The following PVT1 variants were observed in gnomAD, a reference collection of about 807,000 sequenced individuals.
PVT1 encodes CXCR4/PVT1 fusion.
intron 2 of PVT1, among the ~76,000 whole-genome samples, chr8:127,877,413 A>T (rs1815418066): frequency 1.3e-5 from 2 of 152,044 alleles, no homozygotes; most frequent in Non-Finnish European, 2.9e-5. Flanking sequence ...GTGACTGATA[A>T]ATGCCATTTC....
At chr8:127,889,667 G>A (rs983221274) in intron 2 of PVT1, among the ~76,000 whole-genome samples, 5 of 152,236 alleles carry the variant, frequency 3.3e-5, no homozygotes, top group East Asian at 3.9e-4. Flanking sequence ...TTAGAGCGGC[G>A]GATCAGGGCA....
At chr8:127,897,238 C>T (rs1199099596) in intron 3 of PVT1, among the ~76,000 whole-genome samples, 1 of 152,200 alleles carries the variant, frequency 6.6e-6, no homozygotes, top group African/African-American at 2.4e-5. Context: ...AGGACCGTGG[C>T]CTTGGCCTCT....
chr8:127,887,931 G>GTCTTTTTTTT (rs1815544573), intron 2 of PVT1, among the ~76,000 whole-genome samples: 1 of 66,580 alleles, frequency 1.5e-5, no homozygotes, highest in African/African-American at 6.5e-5. Flanking sequence ...ACTCTATCTT[G>GTCTTTTTTTT]TTTTTTTTTT....
intron 3 of PVT1, among the ~76,000 whole-genome samples, chr8:127,930,561 C>T (rs1229164158): frequency 6.6e-6 from 1 of 152,164 alleles, no homozygotes; most frequent in Non-Finnish European, 1.5e-5. Flanking sequence ...CTTTCTGTGC[C>T]TCAGTTTCCT....
intron 3 of PVT1, among the ~76,000 whole-genome samples, chr8:127,925,849 C>G (rs188227523): frequency 6.6e-6 from 1 of 152,118 alleles, no homozygotes; most frequent in African/African-American, 2.4e-5. Flanking sequence ...CCATGTTGGC[C>G]GGGCTGCTCT....
intron 4 of PVT1, among the ~76,000 whole-genome samples, chr8:128,052,224 G>C (rs1183654148): frequency 6.6e-6 from 1 of 152,084 alleles, no homozygotes; most frequent in African/African-American, 2.4e-5. Context: ...GGCCAGACTG[G>C]CACTGAGATA....
intron 3 of PVT1, among the ~76,000 whole-genome samples, chr8:127,930,368 A>G (rs1352851605): frequency 2.0e-5 from 3 of 152,242 alleles, no homozygotes; most frequent in Non-Finnish European, 4.4e-5. Flanking sequence ...CATGTTGGCC[A>G]GGCTGGTCTC....
chr8:128,064,385 C>G (rs1167596375), intron 4 of PVT1, among the ~76,000 whole-genome samples: 1 of 152,230 alleles, frequency 6.6e-6, no homozygotes, highest in Non-Finnish European at 1.5e-5. Context: ...AAGCCATGCA[C>G]CGTCATCTTT....
chr8:128,020,658 C>T (rs1184490653), intron 4 of PVT1, among the ~76,000 whole-genome samples: 1 of 152,242 alleles, frequency 6.6e-6, no homozygotes, highest in Admixed American at 6.5e-5. Flanking sequence ...AATTCAGCTT[C>T]ATGAACCAGG....
In PVT1 at chr8:127,968,537, G is replaced by A. The variant is rs57848233; in HGVS notation, n.783-20625G>A. The stretch of plus-strand genomic sequence containing the variant: ...GTTGCCACCAGGGACGCAGGATTAT[G>A]TTCCTGTTAACTGAAGACACAATGA... On this transcript the variant is annotated intron_variant and non_coding_transcript_variant, in intron 3 of 10. Transcript: ENST00000651587. Among the ~76,000 whole-genome samples the A allele has an allele frequency of 8.5e-3, 1,298 of 152,282 alleles. 28 individuals are homozygous for A. The highest frequency in any genetic ancestry group is 0.029 in the African/African-American group (1,217 of 41,550).
At position 127,940,175 on chromosome 8, in the gene PVT1, T is replaced by C. The variant is rs1201273004; in HGVS notation, n.783-48987T>C. On this transcript the variant is annotated intron_variant and non_coding_transcript_variant, in intron 3 of 10. Transcript: ENST00000651587. Reference sequence around the variant, plus strand: ...CTCATTATTTCCCCCACCCAACCCCTATGTTAGTTCATCTCGAGCCACATT... The same window carrying C: ...CTCATTATTTCCCCCACCCAACCCCCATGTTAGTTCATCTCGAGCCACATT... 2.0e-5 allele frequency: 3 copies of C among 152,316 alleles called. No homozygotes were observed. In the East Asian group the frequency reaches 5.8e-4, roughly 29 times the overall value. 9.4% of individuals were successfully genotyped at this position (152,316 alleles called of 1,614,324 possible). A position where few individuals can be genotyped will look rare whatever the true frequency, so the allele number is the denominator to read the frequency against.
At chr8:128,074,082 C>T (rs1260799675) in intron 5 of PVT1, among the ~76,000 whole-genome samples, 2 of 152,136 alleles carry the variant, frequency 1.3e-5, no homozygotes, top group African/African-American at 4.8e-5. Context: ...GACAGTGATG[C>T]ACTGTATTCA....
chr8:127,896,286 G>A (rs945099297), intron 3 of PVT1, among the ~76,000 whole-genome samples: 1 of 152,038 alleles, frequency 6.6e-6, no homozygotes, highest in Non-Finnish European at 1.5e-5. Flanking sequence ...GAGTGGTCTC[G>A]GTGACAGTTT....
At chr8:128,067,430 C>T (rs992960099) in intron 4 of PVT1, among the ~76,000 whole-genome samples, 3 of 152,168 alleles carry the variant, frequency 2.0e-5, no homozygotes, top group East Asian at 1.9e-4. Context: ...GCACAGTCCC[C>T]GTGTGATGTC....
chr8:127,970,086 C>G (rs779762538), intron 3 of PVT1, among the ~76,000 whole-genome samples: 4 of 152,114 alleles, frequency 2.6e-5, no homozygotes, highest in African/African-American at 4.8e-5. Flanking sequence ...GCCCAACCCC[C>G]CTTTGGCTCT....
At chr8:127,824,330 G>T (rs1814763925) in intron 2 of PVT1, among the ~76,000 whole-genome samples, 2 of 152,090 alleles carry the variant, frequency 1.3e-5, no homozygotes, top group African/African-American at 2.4e-5. Flanking sequence ...TGTTCCTCAG[G>T]CCCCTCCCTT....
chr8:128,053,739 T>C (rs1241268639), intron 4 of PVT1, among the ~76,000 whole-genome samples: 1 of 152,178 alleles, frequency 6.6e-6, no homozygotes, highest in African/African-American at 2.4e-5. Context: ...GTGCTCCTAA[T>C]TAATTATCAT....
At position 127,799,017 on chromosome 8, in the gene PVT1, A is replaced by T. The variant is rs549699289; in HGVS notation, n.372+2946A>T. ...CAAAAACAATGTCAGGTCATAAAAC[A>T]CAAGACATATACATGATGTGGAAAT... On this transcript the variant is annotated intron_variant and non_coding_transcript_variant, in intron 2 of 10. Transcript: ENST00000651587. 4.6e-5 allele frequency among the ~76,000 whole-genome samples: 7 copies of T among 152,362 alleles called. No homozygotes were observed. In the South Asian group the frequency reaches 1.4e-3, roughly 32 times the overall value.
At chr8:127,991,272 A>G (rs141208693) in intron 4 of PVT1, among the ~76,000 whole-genome samples, 2,911 of 151,016 alleles carry the variant, frequency 0.019, 40 homozygotes, top group South Asian at 0.035. Flanking sequence ...CCTCTTGAGT[A>G]GCTGGGACTA....
Sources: allele counts gnomAD v4.1 joint callset (sites outside exome capture counted in the v4.1 genomes callset), GRCh38; gene constraint gnomAD v4.1.1; transcripts MANE v1.5; gene names NCBI Gene and HGNC (gene_info 2026-07-23, HGNC 2026-07-21).